Variants in STARD13 observed in about 807,000 individuals in gnomAD.
The protein encoded by STARD13 is StAR related lipid transfer domain containing 13.
Under a neutral mutation model 106.4 loss-of-function variants are expected in STARD13, and 62 were observed. The ratio of observed to expected loss-of-function variants is 0.58; its 90% CI spans 0.48 to 0.72. STARD13 has a LOEUF of 0.72. STARD13 is among the 30% of genes least tolerant of loss of function. The pLI, the probability that STARD13 is intolerant of heterozygous loss-of-function variation, is 0.00. For synonymous variants in STARD13, 565 were observed against 553.0 expected, an observed-to-expected ratio of 1.02 and a Z score of -0.31; for missense variants, 1,387 against 1,424.0, an observed-to-expected ratio of 0.97 and a Z score of 0.42.
At chr13:33,437,133 C>G in the STARD13 span, among the ~76,000 whole-genome samples, 10 of 152,158 alleles carry the variant, frequency 6.6e-5, no homozygotes, top group African/African-American at 2.2e-4. Flanking sequence ...CACCCTGGGC[C>G]TGGTAATTAA....
At chr13:33,470,478 A>G in the STARD13 span, among the ~76,000 whole-genome samples, 3 of 152,106 alleles carry the variant, frequency 2.0e-5, no homozygotes, top group Non-Finnish European at 4.4e-5. Flanking sequence ...TTCTAGTTCT[A>G]GATCCTTGCG....
upstream of STARD13, among the ~76,000 whole-genome samples, chr13:33,290,733 G>A (rs940269316): frequency 6.6e-6 from 1 of 152,258 alleles, no homozygotes; most frequent in African/African-American, 2.4e-5. Context: ...GCAACCATCA[G>A]CTCCAGCCCA....
chr13:33,533,207 C>G, the STARD13 span, among the ~76,000 whole-genome samples: 2,313 of 152,210 alleles, frequency 0.015, 45 homozygotes, highest in African/African-American at 0.054. Context: ...GTCCTTTCTA[C>G]CTAGTAAGAC....
intron 3 of STARD13, among the ~76,000 whole-genome samples, chr13:33,159,143 A>C (rs1056354704): frequency 2.0e-5 from 3 of 152,076 alleles, no homozygotes; most frequent in Admixed American, 2.0e-4. Flanking sequence ...GCCTTATTCC[A>C]CGGTGATGTG....
chr13:33,183,421 C>T (rs956034068), intron 1 of STARD13, among the ~76,000 whole-genome samples: 9 of 152,228 alleles, frequency 5.9e-5, no homozygotes, highest in African/African-American at 2.2e-4. Context: ...AGATCTTTGG[C>T]AAAGGAAACT....
At chr13:33,429,970 T>G in the STARD13 span, among the ~76,000 whole-genome samples, 1 of 149,044 alleles carries the variant, frequency 6.7e-6, no homozygotes, top group Non-Finnish European at 1.5e-5. Flanking sequence ...CAGGCTGGAG[T>G]GCAGTGGCGC....
chr13:33,631,714 A>T, the STARD13 span, among the ~76,000 whole-genome samples: 1 of 152,240 alleles, frequency 6.6e-6, no homozygotes, highest in East Asian at 1.9e-4. Context: ...CAACAACAAG[A>T]TGCTATTAAT....
chr13:33,594,991 C>T, the STARD13 span, among the ~76,000 whole-genome samples: 1 of 152,076 alleles, frequency 6.6e-6, no homozygotes, highest in Non-Finnish European at 1.5e-5. Context: ...AATATTTTAT[C>T]CCTGGTTTGT....
chr13:33,601,833 G>A, the STARD13 span, among the ~76,000 whole-genome samples: 2 of 152,200 alleles, frequency 1.3e-5, no homozygotes, highest in African/African-American at 4.8e-5. Context: ...CTGGAGGGCA[G>A]TGTTGTAGTG....
the STARD13 span, among the ~76,000 whole-genome samples, chr13:33,370,976 T>G: frequency 6.6e-6 from 1 of 152,198 alleles, no homozygotes; most frequent in African/African-American, 2.4e-5. Context: ...AATAGTTAGT[T>G]TCGTCTAAAA....
chr13:33,183,645 G>T (rs1020864785), intron 1 of STARD13, among the ~76,000 whole-genome samples: 20 of 152,194 alleles, frequency 1.3e-4, no homozygotes, highest in Non-Finnish European at 2.6e-4. Flanking sequence ...TCTTCCAAAT[G>T]TGGGTTTGGA....
chr13:33,629,066 G>A, the STARD13 span, among the ~76,000 whole-genome samples: 3 of 152,188 alleles, frequency 2.0e-5, no homozygotes, highest in African/African-American at 7.2e-5. Context: ...GCAGAGGCCT[G>A]GGTGGTAGCT....
At chr13:33,175,472 T>C (rs928539677) in intron 1 of STARD13, among the ~76,000 whole-genome samples, 13 of 152,326 alleles carry the variant, frequency 8.5e-5, no homozygotes, top group African/African-American at 3.1e-4. Context: ...GTAACCCTTC[T>C]TGGGACAAGT....
At chr13:33,552,312 C>T in the STARD13 span, among the ~76,000 whole-genome samples, 2 of 152,140 alleles carry the variant, frequency 1.3e-5, no homozygotes, top group Admixed American at 1.3e-4. Context: ...CAACTCTATC[C>T]ACCAAACAAA....
At chr13:33,586,322 T>TTG in the STARD13 span, among the ~76,000 whole-genome samples, 3 of 152,130 alleles carry the variant, frequency 2.0e-5, no homozygotes. Context: ...TATCCCAGGG[T>TTG]TATCGCCCTT....
In STARD13 at chr13:33,296,425, C is replaced by T. The variant is rs572557936; in HGVS notation, c.124+53865G>A. On this transcript the variant is annotated intron_variant, in intron 1 of 5. Coordinates refer to the STARD13 transcript ENST00000567873. ...AAAATCATCATGATACAACACCTCACATAGTGACACGTGTGTGTGTGTGTG... is the reference window on the plus strand; with the variant it reads ...AAAATCATCATGATACAACACCTCATATAGTGACACGTGTGTGTGTGTGTG... Among the ~76,000 whole-genome samples, 6 of 43,490 alleles carry T rather than the reference C, an allele frequency of 1.4e-4. 1 individual carries two copies. In the Admixed American group the frequency reaches 2.1e-3, roughly 15 times the overall value. 28.5% of individuals were successfully genotyped at this position (43,490 alleles called of 152,430 possible).
At chr13:33,242,822 C>G (rs1479744933) in intron 1 of STARD13, among the ~76,000 whole-genome samples, 1 of 152,086 alleles carries the variant, frequency 6.6e-6, no homozygotes, top group Non-Finnish European at 1.5e-5. Context: ...TTTCAAAACA[C>G]CTTTTCTTTA....
the STARD13 span, among the ~76,000 whole-genome samples, chr13:33,619,073 A>T: frequency 6.6e-6 from 1 of 151,016 alleles, no homozygotes; most frequent in Non-Finnish European, 1.5e-5. Context: ...GTTAGAAGAC[A>T]GATTTCTGGA....
At chr13:33,213,443 A>C (rs1000102546) in intron 1 of STARD13, among the ~76,000 whole-genome samples, 2 of 152,226 alleles carry the variant, frequency 1.3e-5, no homozygotes, top group Non-Finnish European at 2.9e-5. Flanking sequence ...GAAGGACATA[A>C]GGGATAAACA....
Sources: gnomAD v4.1 joint callset for allele counts (sites outside exome capture counted in the v4.1 genomes callset) on GRCh38, gnomAD v4.1.1 for gene constraint, MANE v1.5 for transcripts, NCBI Gene and HGNC (gene_info 2026-07-23, HGNC 2026-07-21) for gene names.